Variants in FIP1L1 observed in about 807,000 individuals in gnomAD.
FIP1L1 encodes factor interacting with PAPOLA and CPSF1.
Under a neutral mutation model 84.6 loss-of-function variants are expected in FIP1L1, and 21 were observed. The ratio of observed to expected loss-of-function variants is 0.25; its 90% confidence interval spans 0.18 to 0.36. The LOEUF is 0.36. Among genes scored for constraint, FIP1L1 ranks in the 10% least tolerant of loss-of-function variants. The pLI, the probability that FIP1L1 is intolerant of heterozygous loss-of-function variation, is 1.00. For synonymous variants in FIP1L1, 263 were observed against 242.3 expected (o/e 1.09, Z -0.80); for missense variants, 526 against 751.1 (o/e 0.70, Z 3.50).
intron 10 of FIP1L1, among the ~76,000 whole-genome samples, chr4:53,409,583 G>A (rs1578496263): frequency 6.6e-6 from 1 of 152,240 alleles, no homozygotes; most frequent in South Asian, 2.1e-4. Flanking sequence ...TCTGTGCCCT[G>A]CCCCCAGTAG....
At chr4:53,456,700 A>AAT (rs1719220924) in intron 16 of FIP1L1, among the ~76,000 whole-genome samples, 1 of 152,112 alleles carries the variant, frequency 6.6e-6, no homozygotes, top group African/African-American at 2.4e-5. Context: ...ATGAACTCTA[A>AAT]TAATTTCCAG....
intron 13 of FIP1L1, among the ~76,000 whole-genome samples, chr4:53,436,620 T>C (rs919442853): frequency 2.6e-5 from 4 of 152,134 alleles, no homozygotes; most frequent in Non-Finnish European, 5.9e-5. Context: ...ACAGGGATCA[T>C]TGAGAGCCAT....
intron 11 of FIP1L1, among the ~76,000 whole-genome samples, chr4:53,420,230 C>G (rs1383979265): frequency 8.3e-6 from 1 of 120,528 alleles, no homozygotes; most frequent in Non-Finnish European, 1.7e-5. Context: ...AAAAAACCAG[C>G]CTGACCAACA....
At chr4:53,455,034 C>A (rs1027131811) in intron 16 of FIP1L1, among the ~76,000 whole-genome samples, 12 of 152,274 alleles carry the variant, frequency 7.9e-5, no homozygotes, top group Admixed American at 2.6e-4. Flanking sequence ...TCCTTACAAA[C>A]CAACTAACCT....
intron 15 of FIP1L1, among the ~76,000 whole-genome samples, chr4:53,452,566 G>A (rs1221816146): frequency 2.0e-5 from 3 of 152,196 alleles, no homozygotes; most frequent in South Asian, 4.2e-4. Context: ...TTATCTGCCC[G>A]CCTTGGCTTC....
intron 11 of FIP1L1, among the ~76,000 whole-genome samples, chr4:53,416,902 T>C (rs1759744885): frequency 6.6e-6 from 1 of 152,032 alleles, no homozygotes. Flanking sequence ...AGGTGGAGGT[T>C]GCATGACCCA....
chr4:53,405,441 T>G (rs1257668608), intron 10 of FIP1L1, among the ~76,000 whole-genome samples: 3 of 152,214 alleles, frequency 2.0e-5, no homozygotes, highest in South Asian at 2.1e-4. Context: ...GTCAGGTAGC[T>G]TGATGCCTCC....
chr4:53,418,590 G>A (rs1329457984), intron 11 of FIP1L1, among the ~76,000 whole-genome samples: 1 of 152,112 alleles, frequency 6.6e-6, no homozygotes, highest in African/African-American at 2.4e-5. Context: ...ATGGATGATT[G>A]CTGTAAACAT....
intron 4 of FIP1L1, among the ~76,000 whole-genome samples, chr4:53,383,492 T>A (rs1215675599): frequency 2.6e-5 from 4 of 152,142 alleles, no homozygotes; most frequent in African/African-American, 9.7e-5. Flanking sequence ...TGAAACCCTG[T>A]CTCTGCTAAA....
intron 12 of FIP1L1, among the ~76,000 whole-genome samples, chr4:53,426,996 C>T (rs548388003): frequency 6.6e-6 from 1 of 152,082 alleles, no homozygotes; most frequent in African/African-American, 2.4e-5. Flanking sequence ...TTATTCTTAC[C>T]TTTGATAAGT....
At chr4:53,440,104 A>T (rs1285579734) in intron 13 of FIP1L1, among the ~76,000 whole-genome samples, 1 of 152,056 alleles carries the variant, frequency 6.6e-6, no homozygotes, top group East Asian at 1.9e-4. Context: ...ATACTAGAAC[A>T]GTCAACACTT....
At chr4:53,388,578 A>C (rs1052481765) in intron 5 of FIP1L1, among the ~76,000 whole-genome samples, 1 of 150,942 alleles carries the variant, frequency 6.6e-6, no homozygotes, top group Non-Finnish European at 1.5e-5. Context: ...CTCGTGATCC[A>C]CCCGCCTCGG....
chr4:53,438,548 A>G (rs1171255807), intron 13 of FIP1L1, among the ~76,000 whole-genome samples: 6 of 152,166 alleles, frequency 3.9e-5, no homozygotes, highest in African/African-American at 1.4e-4. Flanking sequence ...TCTCACAAGA[A>G]GGGCCCTTGC....
intron 13 of FIP1L1, among the ~76,000 whole-genome samples, chr4:53,431,347 A>G (rs1277232823): frequency 6.6e-6 from 1 of 152,220 alleles, no homozygotes; most frequent in Non-Finnish European, 1.5e-5. Context: ...CTAATGAAAG[A>G]AAGCTATGAT....
rs367964944 is a variant in FIP1L1 at position 53,414,767 on chromosome 4, A to G, written c.923+45A>G. On this transcript the variant is annotated intron_variant, in intron 11 of 17. Transcript: ENST00000337488. ...TTGGATACTCCCTGATGTTTAGATC[A>G]TCAATGTTGTTATGCCTTATTAGTA... 80 of 1,275,010 alleles carry G rather than the reference A, an allele frequency of 6.3e-5. No homozygotes were observed. The Admixed American group carries it at 6.8e-4, about 11-fold the overall frequency. The allele number at this position is 1,275,010 out of a possible 1,614,324, so 79.0% of individuals were successfully genotyped here.
intron 13 of FIP1L1, among the ~76,000 whole-genome samples, chr4:53,431,288 A>G (rs1449495207): frequency 1.3e-5 from 2 of 152,246 alleles, no homozygotes; most frequent in South Asian, 4.1e-4. Flanking sequence ...TGATTACACT[A>G]TGTTCCGTAG....
Position 53,436,133 on chromosome 4 carries a change from A to T in FIP1L1, c.1175-6520A>T, listed in dbSNP as rs143570648. Among the ~76,000 whole-genome samples the T allele has an allele frequency of 1.4e-3, 211 of 152,320 alleles. 1 individual carries two copies. The highest frequency in any genetic ancestry group is 2.3e-3 in the Non-Finnish European group (154 of 68,030). The stretch of plus-strand genomic sequence containing the variant: ...TCATGTGAATTTGAATAGAGAAAAG[A>T]TAGATGGTTATTGCATGTATTGGGT... On this transcript the variant is annotated intron_variant, in intron 13 of 17. Transcript: ENST00000337488.
chr4:53,390,418 T>C, intron 6 of FIP1L1, 103 bp from the exon 7 acceptor site: 1 of 680,180 alleles, frequency 1.5e-6, no homozygotes, highest in Non-Finnish European at 2.6e-6. Context: ...TGTGTGTATA[T>C]GTGCCAGGAA....
At chr4:53,439,698 C>T (rs899905701) in intron 13 of FIP1L1, among the ~76,000 whole-genome samples, 3 of 151,816 alleles carry the variant, frequency 2.0e-5, no homozygotes, top group Non-Finnish European at 4.4e-5. Flanking sequence ...TTTAAATTGT[C>T]TTACTTTTTT....
Sources: gnomAD v4.1 joint callset for allele counts (sites outside exome capture counted in the v4.1 genomes callset) on GRCh38, gnomAD v4.1.1 for gene constraint, MANE v1.5 for transcripts, NCBI Gene and HGNC (gene_info 2026-07-23, HGNC 2026-07-21) for gene names.